PHLPP2: variants seen among roughly 807,000 people sequenced by gnomAD.
The protein encoded by PHLPP2 is PH domain and leucine rich repeat protein phosphatase 2.
Under a neutral mutation model 124.9 loss-of-function variants are expected in PHLPP2, and 66 were observed. The ratio of observed to expected loss-of-function variants is 0.53; its 90% CI spans 0.43 to 0.65. PHLPP2 has a LOEUF of 0.65. Among genes scored for constraint, PHLPP2 ranks in the 30% least tolerant of loss-of-function variants. The pLI, the probability that PHLPP2 is intolerant of heterozygous loss-of-function variation, is 0.00. For synonymous variants in PHLPP2, 681 were observed against 624.7 expected (o/e 1.09, Z -1.34); for missense variants, 1,685 against 1,600.4 (o/e 1.05, Z -0.90).
chr16:71,722,626 G>C (rs546797085), intron 1 of PHLPP2, among the ~76,000 whole-genome samples: 1 of 152,070 alleles, frequency 6.6e-6, no homozygotes, highest in Admixed American at 6.5e-5. Flanking sequence ...ACTACTAAAG[G>C]ATTTTTAACA....
chr16:71,652,730 A>T, intron 18 of PHLPP2, 60 bp downstream of exon 18: 1 of 1,272,296 alleles, frequency 7.9e-7, no homozygotes, highest in Non-Finnish European at 1.1e-6. Flanking sequence ...CATCACCTCT[A>T]CACAAAGCAG....
intron 3 of PHLPP2, among the ~76,000 whole-genome samples, chr16:71,699,801 T>C (rs2045210574): frequency 6.6e-6 from 1 of 152,160 alleles, no homozygotes. Context: ...GGCCTTGGGA[T>C]CACAGACACC....
intron 1 of PHLPP2, among the ~76,000 whole-genome samples, chr16:71,719,262 C>A (rs1211519115): frequency 6.6e-6 from 1 of 152,196 alleles, no homozygotes; most frequent in East Asian, 1.9e-4. Flanking sequence ...TAGCCGGGCG[C>A]AGTGGCTCAT....
chr16:71,680,593 C>T (rs1300215764), intron 6 of PHLPP2, among the ~76,000 whole-genome samples: 1 of 152,182 alleles, frequency 6.6e-6, no homozygotes, highest in Non-Finnish European at 1.5e-5. Context: ...GGTAATTCCA[C>T]TGGGGAGTAG....
At chr16:71,721,044 T>C (rs2045395215) in intron 1 of PHLPP2, among the ~76,000 whole-genome samples, 1 of 151,742 alleles carries the variant, frequency 6.6e-6, no homozygotes, top group African/African-American at 2.4e-5. Flanking sequence ...GCTTTAAAAA[T>C]GTTTTGGGGC....
In PHLPP2 at chr16:71,649,392, C is replaced by A; in HGVS notation, c.3470G>T (p.Gly1157Val). ...TACCTTGCTGCCATTGGTTATGACCCCCTCAACGGGCTGGTCATCATCACT... is the reference window on the plus strand; with the variant it reads ...TACCTTGCTGCCATTGGTTATGACCACCTCAACGGGCTGGTCATCATCACT... ...LDSDDDQPVE[G>V]VITNGSKVEV... Residue 1157 changes from glycine (G) to valine (V), a missense_variant, in exon 19 of 19, where the codon GGG (glycine) becomes GTG (valine). Coordinates refer to ENST00000568954, the MANE Select transcript of PHLPP2 (RefSeq NM_015020.3). 6.2e-7 allele frequency: 1 copy of A among 1,614,006 alleles called. No individual in the cohort carries two copies.
At chr16:71,710,422 G>A (rs577001047) in intron 2 of PHLPP2, among the ~76,000 whole-genome samples, 2 of 152,248 alleles carry the variant, frequency 1.3e-5, no homozygotes, top group South Asian at 2.1e-4. Flanking sequence ...CAGAGAAAAC[G>A]TGGGGTAATT....
intron 11 of PHLPP2, among the ~76,000 whole-genome samples, chr16:71,667,810 T>C (rs1175472154): frequency 2.0e-5 from 3 of 152,220 alleles, no homozygotes; most frequent in Non-Finnish European, 4.4e-5. Flanking sequence ...TCACACTGCA[T>C]AGTAAATGGT....
rs112454652 is a variant in PHLPP2, at chr16:71,707,354, T to G, written c.285-4623A>C. Among the ~76,000 whole-genome samples the G allele has an allele frequency of 5.3e-5, 8 of 152,294 alleles. 1 individual carries two copies. The highest frequency in any genetic ancestry group is 1.9e-4 in the African/African-American group (8 of 41,558). ...GGAGACTCTAATCCTTAGCATTTCC[T>G]GAATAATAGGAGTGTCTTTGTTATT... is the stretch of plus-strand genomic sequence containing the variant. On this transcript the variant is annotated intron_variant, in intron 2 of 18. Coordinates refer to ENST00000568954, the MANE Select transcript of PHLPP2 (RefSeq NM_015020.3).
chr16:71,654,788 T>C (rs2044728150), intron 17 of PHLPP2, among the ~76,000 whole-genome samples: 1 of 152,230 alleles, frequency 6.6e-6, no homozygotes, highest in African/African-American at 2.4e-5. Context: ...TATATGGTTT[T>C]TGCCCTTAAG....
chr16:71,715,773 T>C (rs116546108), intron 1 of PHLPP2, among the ~76,000 whole-genome samples: 15,017 of 149,240 alleles, frequency 0.1, 820 homozygotes, highest in African/African-American at 0.15. Context: ...AGGTCAAGAA[T>C]TCGAGACCAG....
At chr16:71,682,939 G>T (rs1017297505) in intron 5 of PHLPP2, among the ~76,000 whole-genome samples, 1 of 152,184 alleles carries the variant, frequency 6.6e-6, no homozygotes, top group East Asian at 1.9e-4. Context: ...GGGAGGCCAA[G>T]GCGGGCGGAT....
chr16:71,715,315 G>A (rs2145384897), intron 1 of PHLPP2: 1 of 154,306 alleles, frequency 6.5e-6, no homozygotes, highest in African/African-American at 2.4e-5. Context: ...GTTGCAGTGA[G>A]CCGTGATTGT....
intron 4 of PHLPP2, among the ~76,000 whole-genome samples, chr16:71,687,957 TA>T (rs879898596): frequency 2.0e-5 from 3 of 151,904 alleles, no homozygotes; most frequent in African/African-American, 4.8e-5. Flanking sequence ...AACAGTGGCT[TA>T]AAAAAAATAG....
chr16:71,656,570 C>T lies in PHLPP2; in HGVS notation c.2390+1G>A. ...TCAGTCTCCATGGCCAATATACTCACTTATTTCTCTGCCCTGCCATCTCAG... is the reference window on the plus strand; with the variant it reads ...TCAGTCTCCATGGCCAATATACTCATTTATTTCTCTGCCCTGCCATCTCAG... On this transcript the variant is annotated splice_donor_variant, in intron 16 of 18. Transcript: ENST00000568954. LOFTEE classifies it high-confidence loss of function. 6.3e-7 allele frequency: 1 copy of T among 1,584,718 alleles called. No homozygotes were observed. Among genetic ancestry groups the T allele is most frequent in the Non-Finnish European group, 8.7e-7 (1 of 1,153,394 alleles).
chr16:71,671,498 G>C (rs1021582877), intron 10 of PHLPP2, among the ~76,000 whole-genome samples: 2 of 151,920 alleles, frequency 1.3e-5, no homozygotes, highest in African/African-American at 4.8e-5. Flanking sequence ...GCTGAACCCA[G>C]AATGCCCAAC....
intron 18 of PHLPP2, among the ~76,000 whole-genome samples, 160 bp from the exon 19 acceptor site, chr16:71,650,204 G>A (rs1223995158): frequency 6.6e-6 from 1 of 152,168 alleles, no homozygotes; most frequent in Non-Finnish European, 1.5e-5. Context: ...AATAAATGTA[G>A]AGAAGTCCTA....
intron 8 of PHLPP2, chr16:71,676,928 T>C (rs1486203606): frequency 2.7e-6 from 1 of 370,950 alleles, no homozygotes; most frequent in African/African-American, 2.1e-5. Flanking sequence ...TTTGTATTTT[T>C]AGTAGAGCTG....
At chr16:71,674,052 C>G (rs1319657692) in intron 9 of PHLPP2, among the ~76,000 whole-genome samples, 1 of 151,738 alleles carries the variant, frequency 6.6e-6, no homozygotes, top group Non-Finnish European at 1.5e-5. Context: ...TTTAACAAAC[C>G]TACATTCTGC....
Sources: gnomAD v4.1 joint callset for allele counts (sites outside exome capture counted in the v4.1 genomes callset) on GRCh38, gnomAD v4.1.1 for gene constraint, MANE v1.5 for transcripts, NCBI Gene and HGNC (gene_info 2026-07-23, HGNC 2026-07-21) for gene names.